The following BCL2 variants were observed in gnomAD, a reference collection of about 807,000 sequenced individuals.
The protein encoded by BCL2 is apoptosis regulator Bcl-2.
In BCL2, 1 loss-of-function variant was observed where a neutral mutation model predicts 14.2. The ratio of observed to expected loss-of-function variants is 0.07; its 90% CI spans 0.02 to 0.33. The LOEUF (loss-of-function observed/expected upper bound fraction) is 0.33. BCL2 is among the 10% of genes least tolerant of loss of function. The pLI is 0.99. For synonymous variants in BCL2, 151 were observed against 137.2 expected (o/e 1.10, Z -0.70); for missense variants, 247 against 305.9 (o/e 0.81, Z 1.44).
intron 2 of BCL2, among the ~76,000 whole-genome samples, chr18:63,204,352 A>G (rs1158711895): frequency 6.6e-6 from 1 of 152,192 alleles, no homozygotes; most frequent in Non-Finnish European, 1.5e-5. Flanking sequence ...ACATTAACCA[A>G]TGGGATTCAA....
chr18:63,279,275 T>C (rs1372798482), intron 2 of BCL2, among the ~76,000 whole-genome samples: 1 of 152,246 alleles, frequency 6.6e-6, no homozygotes, highest in East Asian at 1.9e-4. Flanking sequence ...AATGGAAGAA[T>C]ATATTTGCAA....
At chr18:63,192,083 G>C (rs983902232) in intron 2 of BCL2, among the ~76,000 whole-genome samples, 12 of 152,176 alleles carry the variant, frequency 7.9e-5, no homozygotes, top group African/African-American at 2.7e-4. Flanking sequence ...TGCTTTCATG[G>C]ATCTCAAAGA....
chr18:63,263,536 C>T (rs1911723047), intron 2 of BCL2, among the ~76,000 whole-genome samples: 1 of 152,202 alleles, frequency 6.6e-6, no homozygotes, highest in Non-Finnish European at 1.5e-5. Flanking sequence ...AACCCAAAAG[C>T]CCTAACCAGA....
At chr18:63,222,089 T>C (rs1286401788) in intron 2 of BCL2, among the ~76,000 whole-genome samples, 2 of 151,972 alleles carry the variant, frequency 1.3e-5, no homozygotes, top group African/African-American at 4.8e-5. Context: ...AAAACTAGCC[T>C]GGCCAACAAG....
At chr18:63,189,287 C>T (rs758806340) in intron 2 of BCL2, among the ~76,000 whole-genome samples, 12 of 151,900 alleles carry the variant, frequency 7.9e-5, no homozygotes, top group Non-Finnish European at 1.6e-4. Flanking sequence ...GCAGAAGGTA[C>T]AATCCAGTCA....
chr18:63,233,814 C>A (rs1192239468), intron 2 of BCL2, among the ~76,000 whole-genome samples: 1 of 152,064 alleles, frequency 6.6e-6, no homozygotes, highest in Admixed American at 6.6e-5. Flanking sequence ...GTGTTTACTG[C>A]TGGGAAAGCT....
Position 63,318,944 on chromosome 18 carries a change from TC to T in BCL2, c.-279del. The T allele has an allele frequency of 7.5e-7, 1 of 1,329,026 alleles. No homozygotes were observed. Among genetic ancestry groups the T allele is most frequent in the Non-Finnish European group, 9.7e-7 (1 of 1,032,822 alleles). The allele number at this position is 1,329,026 out of a possible 1,614,324, so 82.3% of individuals were successfully genotyped here. On this transcript the variant is annotated 5_prime_UTR_variant, in exon 2 of 3. It introduces an in-frame stop codon into an upstream open reading frame of the 5' UTR. Coordinates refer to ENST00000333681, the MANE Select transcript of BCL2 (RefSeq NM_000633.3). This position sits in a 1 kb window ranked among gnomAD's most constrained non-coding sequence, Gnocchi z 7.4. ...GTATTGTTAATATCAGTCTACTTCC[TC>T]TGTGATGCTGAAAGGTTAAAGAAAA...
At chr18:63,143,964 C>T (rs566718923) in intron 2 of BCL2, among the ~76,000 whole-genome samples, 14 of 152,240 alleles carry the variant, frequency 9.2e-5, no homozygotes, top group South Asian at 6.2e-4. Context: ...ATCAGGTACT[C>T]AGTAAACGCT....
chr18:63,141,774 A>G (rs921199688), intron 2 of BCL2, among the ~76,000 whole-genome samples: 1 of 152,174 alleles, frequency 6.6e-6, no homozygotes, highest in Non-Finnish European at 1.5e-5. Flanking sequence ...CTGTCTCCGT[A>G]TGTGAGTAGA....
At chr18:63,250,250 T>C (rs1599269249) in intron 2 of BCL2, among the ~76,000 whole-genome samples, 1 of 152,334 alleles carries the variant, frequency 6.6e-6, no homozygotes, top group East Asian at 1.9e-4. Flanking sequence ...AGTGAGTCTT[T>C]GGTTTTCCAT....
At chr18:63,176,085 T>C (rs1915342146) in intron 2 of BCL2, among the ~76,000 whole-genome samples, 1 of 152,244 alleles carries the variant, frequency 6.6e-6, no homozygotes, top group African/African-American at 2.4e-5. Context: ...CCTGCTTCCC[T>C]AGACGAGCTG....
At chr18:63,152,462 A>G (rs1044742230) in intron 2 of BCL2, among the ~76,000 whole-genome samples, 1 of 152,224 alleles carries the variant, frequency 6.6e-6, no homozygotes, top group Admixed American at 6.5e-5. Context: ...ATTCGTAAAT[A>G]CCTTCCCCAA....
intron 2 of BCL2, among the ~76,000 whole-genome samples, chr18:63,171,124 C>T (rs1319855171): frequency 6.6e-6 from 1 of 152,106 alleles, no homozygotes; most frequent in Non-Finnish European, 1.5e-5. Context: ...GTCTAAAAAC[C>T]ATGCTTTGCC....
intron 2 of BCL2, among the ~76,000 whole-genome samples, chr18:63,147,447 C>G (rs762203857): frequency 6.6e-6 from 1 of 152,154 alleles, no homozygotes; most frequent in Non-Finnish European, 1.5e-5. Context: ...CATTTATTAC[C>G]GGTGCAAATA....
chr18:63,225,895 A>C lies in BCL2; in HGVS notation c.585+92187T>G, dbSNP rs553532724. On this transcript the variant is annotated intron_variant, in intron 2 of 2. Coordinates refer to ENST00000333681, the MANE Select transcript of BCL2 (RefSeq NM_000633.3). The stretch of plus-strand genomic sequence containing the variant: ...AGCTCTGCCATCCATGGACGCCTTA[A>C]GTGCTAACAGCTCAGTGGGGGCGGT... Among the ~76,000 whole-genome samples, 4 of 152,312 alleles carry C rather than the reference A, an allele frequency of 2.6e-5. 1 individual carries two copies. In the South Asian group the frequency reaches 8.3e-4, roughly 32 times the overall value.
intron 2 of BCL2, among the ~76,000 whole-genome samples, chr18:63,255,059 G>A (rs182507222): frequency 2.6e-5 from 4 of 152,312 alleles, no homozygotes; most frequent in Non-Finnish European, 4.4e-5. Flanking sequence ...GTTTGATTCC[G>A]ATGAAGGGCA....
chr18:63,294,454 C>A (rs2615199), intron 2 of BCL2, among the ~76,000 whole-genome samples: 146,870 of 152,262 alleles, frequency 0.96, 70,923 homozygotes, highest in Middle Eastern at 0.99. Context: ...AGATCATTTG[C>A]GGTCAGGAAT....
At chr18:63,276,963 C>T (rs1264592755) in intron 2 of BCL2, among the ~76,000 whole-genome samples, 1 of 152,150 alleles carries the variant, frequency 6.6e-6, no homozygotes, top group Non-Finnish European at 1.5e-5. Context: ...AAGGGTGTTA[C>T]TAAATATCTA....
At chr18:63,153,182 C>T (rs1162289389) in intron 2 of BCL2, among the ~76,000 whole-genome samples, 3 of 152,192 alleles carry the variant, frequency 2.0e-5, no homozygotes, top group African/African-American at 4.8e-5. Flanking sequence ...TCGTTCTCTG[C>T]AATGCTTAAA....
Sources: gnomAD v4.1 joint callset for allele counts (sites outside exome capture counted in the v4.1 genomes callset) on GRCh38, gnomAD v4.1.1 for gene constraint, Gnocchi (gnomAD v3.1) non-coding constraint, MANE v1.5 for transcripts, NCBI Gene and HGNC (gene_info 2026-07-23, HGNC 2026-07-21) for gene names.